Variants in LRRC4C observed in about 807,000 individuals in gnomAD.
LRRC4C encodes leucine-rich repeat-containing protein 4C.
Under a neutral mutation model 33.6 loss-of-function variants are expected in LRRC4C, and 5 were observed. The observed-to-expected ratio is 0.15, with a 90% confidence interval of 0.08 to 0.31. The LOEUF (loss-of-function observed/expected upper bound fraction) is 0.31, where lower values mean the gene tolerates loss of function less well. LRRC4C is among the 10% of genes least tolerant of loss of function. The pLI is 1.00. For missense variants in LRRC4C, 560 were observed against 796.7 expected (o/e 0.70, Z 3.58); for synonymous variants, 329 against 302.0 (o/e 1.09, Z -0.93).
chr11:41,036,111 G>A (rs1266438286), intron 1 of LRRC4C, among the ~76,000 whole-genome samples: 1 of 151,860 alleles, frequency 6.6e-6, no homozygotes, highest in Non-Finnish European at 1.5e-5. Flanking sequence ...AATATCAGAA[G>A]GTAAGAGATT....
chr11:41,001,482 A>G (rs759493237), intron 1 of LRRC4C, among the ~76,000 whole-genome samples: 1 of 152,120 alleles, frequency 6.6e-6, no homozygotes, highest in Non-Finnish European at 1.5e-5. Context: ...ATAGAGAAAC[A>G]TGATAGAGTT....
At chr11:40,770,358 G>T (rs931986496) in intron 2 of LRRC4C, among the ~76,000 whole-genome samples, 2 of 152,018 alleles carry the variant, frequency 1.3e-5, no homozygotes, top group Admixed American at 1.3e-4. Flanking sequence ...AACAGCATGG[G>T]GGAACTGCCC....
chr11:40,225,910 C>T (rs191033242), intron 5 of LRRC4C, among the ~76,000 whole-genome samples: 11 of 152,290 alleles, frequency 7.2e-5, no homozygotes, highest in Non-Finnish European at 1.5e-4. Flanking sequence ...TGAGCCACCA[C>T]GCCCAGCCTA....
rs117856832 is a variant in LRRC4C at position 40,601,312 on chromosome 11, C to T, written c.-270+46830G>A. The stretch of plus-strand genomic sequence containing the variant: ...CTGTGCTTAGTAAGTACTACCAGCT[C>T]TTCACTAGTCAAGTATCTCCTTCTT... On this transcript the variant is annotated intron_variant, in intron 3 of 6. Coordinates refer to ENST00000528697, the MANE Select transcript of LRRC4C (RefSeq NM_001258419.2). 4.8e-3 allele frequency among the ~76,000 whole-genome samples: 730 copies of T among 152,276 alleles called. 3 individuals are homozygous for T. Among genetic ancestry groups the T allele is most frequent in the Non-Finnish European group, 6.7e-3 (453 of 68,022 alleles).
intron 3 of LRRC4C, among the ~76,000 whole-genome samples, chr11:40,607,979 T>A (rs774304079): frequency 2.0e-5 from 3 of 152,108 alleles, no homozygotes; most frequent in Non-Finnish European, 4.4e-5. Flanking sequence ...TCCTGTTGCA[T>A]GCCCTGCGAG....
At chr11:41,289,485 T>A (rs1949931392) in intron 1 of LRRC4C, among the ~76,000 whole-genome samples, 1 of 152,162 alleles carries the variant, frequency 6.6e-6, no homozygotes, top group Non-Finnish European at 1.5e-5. Flanking sequence ...AATGAAATCA[T>A]AGTGTTGGAT....
chr11:41,013,984 C>G (rs780050971), intron 1 of LRRC4C, among the ~76,000 whole-genome samples: 4 of 152,080 alleles, frequency 2.6e-5, no homozygotes, highest in African/African-American at 9.7e-5. Flanking sequence ...GGATCCACCC[C>G]CATGACCGCG....
At chr11:40,419,304 T>G (rs942391015) in intron 3 of LRRC4C, among the ~76,000 whole-genome samples, 1 of 152,080 alleles carries the variant, frequency 6.6e-6, no homozygotes, top group Non-Finnish European at 1.5e-5. Context: ...CGGCTGGAAA[T>G]TCTCCCAATT....
At chr11:41,129,335 T>A (rs11036248) in intron 1 of LRRC4C, among the ~76,000 whole-genome samples, 39,379 of 151,780 alleles carry the variant, frequency 0.26, 5,503 homozygotes, top group East Asian at 0.47. Context: ...TTGGTGGAAG[T>A]ATATGTTACT....
chr11:40,718,210 A>C (rs1016892760), intron 2 of LRRC4C, among the ~76,000 whole-genome samples: 2 of 152,196 alleles, frequency 1.3e-5, no homozygotes, highest in Non-Finnish European at 2.9e-5. Flanking sequence ...TTTGTTCACC[A>C]GGGAGGATCA....
At chr11:41,341,167 G>T (rs1951624825) in intron 1 of LRRC4C, among the ~76,000 whole-genome samples, 1 of 151,416 alleles carries the variant, frequency 6.6e-6, no homozygotes, top group African/African-American at 2.4e-5. Flanking sequence ...TGTGTTAGGT[G>T]AGGATGTTAC....
intron 1 of LRRC4C, among the ~76,000 whole-genome samples, chr11:41,162,669 G>T (rs769928718): frequency 6.6e-6 from 1 of 152,042 alleles, no homozygotes; most frequent in South Asian, 2.1e-4. Context: ...AATCATAAAA[G>T]GTACAGTAAA....
intron 2 of LRRC4C, among the ~76,000 whole-genome samples, chr11:40,877,974 T>C (rs542810105): frequency 6.6e-6 from 1 of 152,288 alleles, no homozygotes; most frequent in African/African-American, 2.4e-5. Context: ...GAGATGTAGC[T>C]TTTTGTTGGT....
chr11:40,690,685 A>G (rs759536335), intron 2 of LRRC4C, among the ~76,000 whole-genome samples: 8 of 152,096 alleles, frequency 5.3e-5, no homozygotes, highest in Non-Finnish European at 1.0e-4. Flanking sequence ...CAAATGTGGC[A>G]ATAATGAAAT....
intron 4 of LRRC4C, among the ~76,000 whole-genome samples, chr11:40,295,576 A>G (rs1272355816): frequency 6.6e-6 from 1 of 152,154 alleles, no homozygotes; most frequent in African/African-American, 2.4e-5. Context: ...TGTTCCCATT[A>G]TACTCCACGG....
At position 41,009,555 on chromosome 11, in the gene LRRC4C, T is replaced by C. The variant is rs138280517; in HGVS notation, c.-495-75832A>G. The stretch of plus-strand genomic sequence containing the variant: ...TGAGGTTATAGTTCTCATGTATAAA[T>C]TGACAAATTCAAGAAAAAAAAATCA... On this transcript the variant is annotated intron_variant, in intron 1 of 6. Coordinates refer to ENST00000528697, the MANE Select transcript of LRRC4C (RefSeq NM_001258419.2). Among the ~76,000 whole-genome samples, 701 of 152,118 alleles carry C rather than the reference T, an allele frequency of 4.6e-3. 5 individuals are homozygous for C. Among genetic ancestry groups the C allele is most frequent in the African/African-American group, 0.016 (658 of 41,486 alleles).
chr11:40,260,736 A>G (rs1183985665), intron 4 of LRRC4C, among the ~76,000 whole-genome samples: 2 of 152,182 alleles, frequency 1.3e-5, no homozygotes, highest in Non-Finnish European at 2.9e-5. Context: ...GCAGCCCAGG[A>G]GTCAGCAACC....
chr11:40,998,468 C>G (rs1218518192), intron 1 of LRRC4C, among the ~76,000 whole-genome samples: 2 of 152,004 alleles, frequency 1.3e-5, no homozygotes, highest in East Asian at 3.9e-4. Flanking sequence ...CTTGACTGCA[C>G]TTTATGGATT....
rs12280284 is a variant in LRRC4C at position 40,566,556 on chromosome 11, C to G, written c.-270+81586G>C. ...TATTTAATTTAACTTGTCAATAAGC[C>G]ATATATTCAAATATGTTAAATGAGC... On this transcript the variant is annotated intron_variant, in intron 3 of 6. Coordinates refer to ENST00000528697, the MANE Select transcript of LRRC4C (RefSeq NM_001258419.2). Among the ~76,000 whole-genome samples, 988 of 151,992 alleles carry G rather than the reference C, an allele frequency of 6.5e-3. 16 individuals are homozygous for G. The highest frequency in any genetic ancestry group is 0.023 in the African/African-American group (948 of 41,486).
Sources: allele counts gnomAD v4.1 joint callset (sites outside exome capture counted in the v4.1 genomes callset), GRCh38; gene constraint gnomAD v4.1.1; transcripts MANE v1.5; gene names NCBI Gene and HGNC (gene_info 2026-07-23, HGNC 2026-07-21).